The following GRIA3 variants were observed in gnomAD, a reference collection of about 807,000 sequenced individuals.
GRIA3 encodes glutamate ionotropic receptor AMPA type subunit 3, also known as glutamate receptor 3.
GRIA3 carries 3 observed loss-of-function variants against 63.0 expected under a neutral mutation model. The observed-to-expected ratio is 0.05, with a 90% CI of 0.02 to 0.12. The LOEUF is 0.12. GRIA3 is among the 10% of genes least tolerant of loss of function. The pLI, the probability that GRIA3 is intolerant of heterozygous loss-of-function variation, is 1.00. For missense variants in GRIA3, 347 were observed against 700.9 expected (o/e 0.50, Z 5.70); for synonymous variants, 274 against 257.9 (o/e 1.06, Z -0.60).
chrX:123,433,606 C>T (rs1449515610), intron 12 of GRIA3, among the ~76,000 whole-genome samples: 1 of 111,678 alleles, frequency 9.0e-6, no homozygotes, highest in African/African-American at 3.3e-5. Flanking sequence ...TGGCCATATC[C>T]CCATTACAGA....
intron 3 of GRIA3, among the ~76,000 whole-genome samples, chrX:123,302,859 C>G (rs759607183): frequency 1.1e-4 from 12 of 110,782 alleles, no homozygotes; most frequent in African/African-American, 3.3e-4. Context: ...ATGGTCATGG[C>G]GTACCCCTTA....
intron 11 of GRIA3, among the ~76,000 whole-genome samples, chrX:123,423,163 G>A (rs1194273514): frequency 9.0e-6 from 1 of 111,374 alleles, no homozygotes; most frequent in Non-Finnish European, 1.9e-5. Flanking sequence ...CAGAGAAAAT[G>A]GAAAGAACAG....
intron 3 of GRIA3, among the ~76,000 whole-genome samples, chrX:123,319,241 T>C (rs1245855645): frequency 8.9e-6 from 1 of 111,830 alleles, no homozygotes; most frequent in Non-Finnish European, 1.9e-5. Context: ...CAGTTTTGTA[T>C]CCTAGGAGCA....
At chrX:123,270,400 T>C (rs2044513870) in intron 3 of GRIA3, among the ~76,000 whole-genome samples, 1 of 111,898 alleles carries the variant, frequency 8.9e-6, no homozygotes, top group Non-Finnish European at 1.9e-5. Flanking sequence ...GACAAACAAA[T>C]AAAAAGATAG....
chrX:123,253,366 A>G lies in GRIA3; in HGVS notation c.332A>G (p.Asn111Ser). Reference protein sequence around the residue: ...IFGFYDQMSMNTLTSFCGALH... With the variant: ...IFGFYDQMSMSTLTSFCGALH... ...GGATTCTATGACCAGATGTCAATGA[A>G]CACCCTGACCTCCTTCTGTGGGGCC... The change falls in exon 3 of 16, where the codon AAC (asparagine) becomes AGC (serine). Residue 111 changes from asparagine (N) to serine (S), a missense_variant. This residue lies in a region of GRIA3 where 29 missense variants were observed against 69.4 expected (regional missense o/e 0.42). Coordinates refer to ENST00000620443, the MANE Select transcript of GRIA3 (RefSeq NM_007325.5). The G allele has an allele frequency of 2.5e-6, 3 of 1,209,588 alleles. No individual in the cohort carries two copies. The highest frequency in any genetic ancestry group is 1.1e-6 in the Non-Finnish European group (1 of 893,377).
At chrX:123,399,795 T>C (rs2045435161) in intron 7 of GRIA3, among the ~76,000 whole-genome samples, 1 of 111,859 alleles carries the variant, frequency 8.9e-6, no homozygotes, top group Non-Finnish European at 1.9e-5. Context: ...GGCTCTCTTA[T>C]TGATGCCTTA....
intron 10 of GRIA3, among the ~76,000 whole-genome samples, chrX:123,414,973 T>C (rs2045528719): frequency 8.9e-6 from 1 of 112,014 alleles, no homozygotes; most frequent in Non-Finnish European, 1.9e-5. Flanking sequence ...TATTTCTAGT[T>C]CTATATTCTT....
intron 11 of GRIA3, among the ~76,000 whole-genome samples, chrX:123,427,060 T>A (rs2045593539): frequency 8.9e-6 from 1 of 111,850 alleles, no homozygotes; most frequent in East Asian, 2.8e-4. Flanking sequence ...AGAAAGTTTC[T>A]AATCTCCTGG....
intron 12 of GRIA3, among the ~76,000 whole-genome samples, chrX:123,447,395 C>T (rs1236858597): frequency 6.2e-5 from 7 of 112,151 alleles, no homozygotes; most frequent in African/African-American, 2.3e-4. Flanking sequence ...ACATGGCTTC[C>T]TTCTGCAGTT....
chrX:123,456,771 A>G (rs1294921528), intron 12 of GRIA3, among the ~76,000 whole-genome samples: 1 of 111,656 alleles, frequency 9.0e-6, no homozygotes, highest in African/African-American at 3.3e-5. Flanking sequence ...TCACCTATGC[A>G]TATCCTAGTA....
chrX:123,446,782 T>G (rs752971755), intron 12 of GRIA3, among the ~76,000 whole-genome samples: 1 of 111,385 alleles, frequency 9.0e-6, no homozygotes, highest in Non-Finnish European at 1.9e-5. Context: ...GGGTGGGAAG[T>G]AGTGGGCAGT....
rs180802579 is a variant in GRIA3, at chrX:123,362,726, A to G, written c.750+7763A>G. Among the ~76,000 whole-genome samples the G allele has an allele frequency of 1.5e-3, 168 of 108,723 alleles. 1 individual carries two copies. The highest frequency in any genetic ancestry group is 5.3e-3 in the African/African-American group (160 of 29,967). 94.4% of individuals were successfully genotyped at this position (108,723 alleles called of 115,157 possible). On this transcript the variant is annotated intron_variant, in intron 5 of 15. Transcript: ENST00000620443. Reference sequence around the variant, plus strand: ...AATGAAGCTGTTAGTAAAAAAAAAAAAGAGAGAGAGAGAGAGAGAGATCAG... The same window carrying G: ...AATGAAGCTGTTAGTAAAAAAAAAAGAGAGAGAGAGAGAGAGAGAGATCAG...
At chrX:123,384,412 G>A (rs1423523858) in intron 5 of GRIA3, among the ~76,000 whole-genome samples, 2 of 111,957 alleles carry the variant, frequency 1.8e-5, no homozygotes, top group African/African-American at 6.5e-5. Context: ...ATCACCTGAG[G>A]TCGGGAGTTC....
intron 3 of GRIA3, among the ~76,000 whole-genome samples, chrX:123,280,889 C>A (rs140360249): frequency 1.2e-4 from 13 of 111,440 alleles, no homozygotes; most frequent in Non-Finnish European, 1.9e-5. Flanking sequence ...CTTTTCCATA[C>A]ATTTTCACAC....
chrX:123,473,189 T>G (rs1397316062), intron 13 of GRIA3, among the ~76,000 whole-genome samples: 1 of 112,111 alleles, frequency 8.9e-6, no homozygotes, highest in Non-Finnish European at 1.9e-5. Flanking sequence ...CCTGGAATCC[T>G]ACATTCAGGA....
At position 123,490,848 on chromosome X, in the gene GRIA3, A is replaced by G. The variant is rs2147452823; in HGVS notation, c.*2138A>G. ...TTGCATGTGTGGGCATAAACTACAG[A>G]GCCTCATTGCCATGAGGTATTGTAC... On this transcript the variant is annotated 3_prime_UTR_variant, in exon 16 of 16. Transcript: ENST00000620443. 8.9e-6 allele frequency: 1 copy of G among 112,665 alleles called. No individual in the cohort carries two copies. Among genetic ancestry groups the G allele is most frequent in the South Asian group, 3.7e-4 (1 of 2,732 alleles). The allele number at this position is 112,665 out of a possible 1,213,427, so 9.3% of individuals were successfully genotyped here.
chrX:123,249,231 G>A (rs186608494), intron 2 of GRIA3, among the ~76,000 whole-genome samples: 2 of 112,441 alleles, frequency 1.8e-5, no homozygotes, highest in African/African-American at 6.5e-5. Flanking sequence ...TCAATCAGAA[G>A]AGCTCCACTG....
intron 3 of GRIA3, among the ~76,000 whole-genome samples, chrX:123,256,538 CA>C (rs2044420915): frequency 9.0e-6 from 1 of 111,244 alleles, no homozygotes; most frequent in Non-Finnish European, 1.9e-5. Context: ...ATAGCAAGTG[CA>C]AAGGTCATGT....
chrX:123,360,174 T>C (rs745871465), intron 5 of GRIA3, among the ~76,000 whole-genome samples: 3 of 110,717 alleles, frequency 2.7e-5, no homozygotes, highest in Non-Finnish European at 3.8e-5. Flanking sequence ...AGCTAATCCA[T>C]TGCCAAACTA....
Sources: gnomAD v4.1 joint callset for allele counts (sites outside exome capture counted in the v4.1 genomes callset) on GRCh38, gnomAD v4.1.1 for gene constraint, gnomAD v4.1.1 regional missense constraint, MANE v1.5 for transcripts, NCBI Gene and HGNC (gene_info 2026-07-23, HGNC 2026-07-21) for gene names.